DCC: variants seen among roughly 807,000 people sequenced by gnomAD.
The protein encoded by DCC is DCC netrin 1 receptor, also known as netrin receptor DCC.
Under a neutral mutation model 172.5 loss-of-function variants are expected in DCC, and 58 were observed. The ratio of observed to expected loss-of-function variants is 0.34; its 90% CI spans 0.27 to 0.42. The LOEUF (loss-of-function observed/expected upper bound fraction) is 0.42, where lower values mean the gene tolerates loss of function less well. Ranked by LOEUF, DCC falls within the 10% of genes least tolerant of loss-of-function variation. The probability of loss-of-function intolerance (pLI) is 1.00; values close to 1 mark genes in which losing one functional copy is unlikely to be tolerated. For synonymous variants in DCC, 709 were observed against 644.5 expected, an observed-to-expected ratio of 1.10 and a Z score of -1.52; for missense variants, 1,740 against 1,791.0, an observed-to-expected ratio of 0.97 and a Z score of 0.51.
chr18:52,630,025 T>C (rs553263553), intron 1 of DCC, among the ~76,000 whole-genome samples: 10 of 146,716 alleles, frequency 6.8e-5, no homozygotes, highest in African/African-American at 1.0e-4. Context: ...ACTCAGGAGG[T>C]TGAGGCAGGA....
chr18:53,304,331 C>T (rs906409452), intron 12 of DCC, among the ~76,000 whole-genome samples: 3 of 152,040 alleles, frequency 2.0e-5, no homozygotes, highest in East Asian at 1.9e-4. Flanking sequence ...GTAGGAGCCT[C>T]ATTGTTGGGG....
intron 1 of DCC, among the ~76,000 whole-genome samples, chr18:52,465,888 G>C (rs1048702764): frequency 6.6e-6 from 1 of 152,108 alleles, no homozygotes. Context: ...TGTCACAAAA[G>C]TTATTTCTTC....
chr18:53,234,285 C>T (rs544987529), intron 12 of DCC, among the ~76,000 whole-genome samples: 18 of 151,574 alleles, frequency 1.2e-4, no homozygotes, highest in African/African-American at 2.9e-4. Flanking sequence ...AAAAATTAGC[C>T]GGGCGTGGTG....
intron 3 of DCC, among the ~76,000 whole-genome samples, chr18:52,911,329 C>T (rs9956617): frequency 0.4 from 60,165 of 151,774 alleles, 12,481 homozygotes; most frequent in Non-Finnish European, 0.47. Context: ...GGAAGGTTTG[C>T]ATAGATTATT....
At chr18:52,741,421 G>A (rs1016670181) in intron 1 of DCC, among the ~76,000 whole-genome samples, 9 of 152,042 alleles carry the variant, frequency 5.9e-5, no homozygotes, top group African/African-American at 2.2e-4. Context: ...TGATGTTTTG[G>A]GATGGGTAAT....
At chr18:52,855,828 C>T (rs905532177) in intron 2 of DCC, among the ~76,000 whole-genome samples, 3 of 137,784 alleles carry the variant, frequency 2.2e-5, no homozygotes, top group South Asian at 2.3e-4. Context: ...TACAATGGTG[C>T]GATTTCGGCT....
chr18:53,202,089 T>A (rs2055545923), intron 9 of DCC, among the ~76,000 whole-genome samples: 1 of 152,172 alleles, frequency 6.6e-6, no homozygotes. Context: ...CAAAAAGACC[T>A]AGAAGCAAAT....
chr18:52,369,982 T>C (rs1308174650), intron 1 of DCC, among the ~76,000 whole-genome samples: 1 of 152,186 alleles, frequency 6.6e-6, no homozygotes, highest in Non-Finnish European at 1.5e-5. Context: ...AAGAAAATAC[T>C]TCCAAAATAT....
intron 2 of DCC, among the ~76,000 whole-genome samples, chr18:52,794,370 T>C (rs1230689940): frequency 2.0e-5 from 3 of 152,090 alleles, no homozygotes; most frequent in African/African-American, 7.2e-5. Flanking sequence ...GTCTTTTGCA[T>C]CCTTGGTTAA....
intron 2 of DCC, among the ~76,000 whole-genome samples, chr18:52,852,330 T>C (rs2038987423): frequency 6.6e-6 from 1 of 152,242 alleles, no homozygotes; most frequent in Admixed American, 6.5e-5. Flanking sequence ...GATTCCCAAA[T>C]TATAGACTTA....
At chr18:52,769,818 T>C (rs1384837927) in intron 2 of DCC, among the ~76,000 whole-genome samples, 1 of 152,202 alleles carries the variant, frequency 6.6e-6, no homozygotes, top group African/African-American at 2.4e-5. Flanking sequence ...GTCCAGTTGT[T>C]TCAGCATCAA....
chr18:52,836,113 C>CTCATGAGAACTTGTGCACTA (rs1403916320), intron 2 of DCC, among the ~76,000 whole-genome samples: 6 of 152,126 alleles, frequency 3.9e-5, no homozygotes, highest in Non-Finnish European at 2.9e-5. Flanking sequence ...GCCATCAGAT[C>CTCATGAGAACTTGTGCACTA]TCATGAGAAC....
intron 2 of DCC, among the ~76,000 whole-genome samples, chr18:52,755,132 A>C (rs115680486): frequency 2.8e-3 from 434 of 152,348 alleles, no homozygotes; most frequent in African/African-American, 0.01. Flanking sequence ...GAAAGGGGAC[A>C]ATTTGACTTT....
At chr18:52,358,637 T>A (rs548546980) in intron 1 of DCC, among the ~76,000 whole-genome samples, 68 of 152,276 alleles carry the variant, frequency 4.5e-4, no homozygotes, top group African/African-American at 1.6e-3. Context: ...CCAAAATTAC[T>A]CCTCATTGTT....
At chr18:52,654,446 A>C (rs1446048691) in intron 1 of DCC, among the ~76,000 whole-genome samples, 1 of 152,066 alleles carries the variant, frequency 6.6e-6, no homozygotes, top group Admixed American at 6.5e-5. Flanking sequence ...TAAACAACAG[A>C]CATTTATTGT....
chr18:53,291,169 A>G (rs1038924815), intron 12 of DCC, among the ~76,000 whole-genome samples: 14 of 149,456 alleles, frequency 9.4e-5, no homozygotes, highest in Non-Finnish European at 1.3e-4. Context: ...CTGCATTTCG[A>G]AAAAAAAAAG....
intron 1 of DCC, among the ~76,000 whole-genome samples, chr18:52,699,630 G>A (rs1172726674): frequency 1.3e-5 from 2 of 152,166 alleles, no homozygotes; most frequent in African/African-American, 4.8e-5. Flanking sequence ...CAGACCCAAT[G>A]TCCATGGCAT....
chr18:53,460,839 C>G, intron 24 of DCC, among the ~76,000 whole-genome samples: 1 of 152,098 alleles, frequency 6.6e-6, no homozygotes, highest in Non-Finnish European at 1.5e-5. Flanking sequence ...AGTTCTAGAT[C>G]CCTGAGGAAT....
At chr18:52,679,762 A>G (rs952318774) in intron 1 of DCC, among the ~76,000 whole-genome samples, 1 of 152,154 alleles carries the variant, frequency 6.6e-6, no homozygotes, top group East Asian at 1.9e-4. Flanking sequence ...AAAATTGTGT[A>G]GCAGGTTTAC....
Sources: gnomAD v4.1 joint callset for allele counts (sites outside exome capture counted in the v4.1 genomes callset) on GRCh38, gnomAD v4.1.1 for gene constraint, MANE v1.5 for transcripts, NCBI Gene and HGNC (gene_info 2026-07-23, HGNC 2026-07-21) for gene names.